GASK1A: variants seen among roughly 807,000 people sequenced by gnomAD.
The protein encoded by GASK1A is golgi associated kinase 1A.
In GASK1A, 40 loss-of-function variants were observed where a neutral mutation model predicts 41.2. That is an observed-to-expected ratio of 0.97 (90% CI 0.75 to 1.27). The LOEUF (loss-of-function observed/expected upper bound fraction) is 1.27. Among genes scored for constraint, GASK1A ranks in the 50% most tolerant of loss-of-function variants. The probability of loss-of-function intolerance (pLI) is 0.00; values close to 1 mark genes in which losing one functional copy is unlikely to be tolerated. For missense variants in GASK1A, 678 were observed against 745.1 expected, an observed-to-expected ratio of 0.91 and a Z score of 1.05; for synonymous variants, 316 against 307.1, an observed-to-expected ratio of 1.03 and a Z score of -0.30.
chr3:43,015,879 A>G (rs1323542985), intron 1 of GASK1A, among the ~76,000 whole-genome samples: 1 of 151,566 alleles, frequency 6.6e-6, no homozygotes, highest in Admixed American at 6.6e-5. Flanking sequence ...AGTCACAGGA[A>G]GAGGCAGTGT....
chr3:43,033,684 C>G, intron 2 of GASK1A, 131 bp downstream of exon 2: 1 of 811,866 alleles, frequency 1.2e-6, no homozygotes, highest in Non-Finnish European at 1.8e-6. Context: ...CACCAAGCAC[C>G]TGCTTTTGTA....
At chr3:43,038,825 C>T (rs373397988) in intron 2 of GASK1A, among the ~76,000 whole-genome samples, 2 of 152,266 alleles carry the variant, frequency 1.3e-5, no homozygotes, top group South Asian at 4.1e-4. Flanking sequence ...AATTCCCCAA[C>T]CCCTGCCCAC....
In GASK1A at chr3:42,997,445, G is replaced by GC. The variant is rs1559397773; in HGVS notation, c.3+17800_3+17801insC. Reference sequence around the variant, plus strand: ...GAGAGAGAGACAGAGAGAGGGGGGGGGGATCTGGGATCCTTAGAAATGGGG... The same window carrying GC: ...GAGAGAGAGACAGAGAGAGGGGGGGGCGGATCTGGGATCCTTAGAAATGGGG... On this transcript the variant is annotated intron_variant, in intron 1 of 4. Coordinates refer to ENST00000430121, the MANE Select transcript of GASK1A (RefSeq NM_001129908.3). 1.5e-4 allele frequency among the ~76,000 whole-genome samples: 23 copies of GC among 151,538 alleles called. No individual in the cohort carries two copies. In the South Asian group the frequency reaches 3.8e-3, roughly 25 times the overall value.
chr3:42,999,306 G>A (rs148126779), intron 1 of GASK1A, among the ~76,000 whole-genome samples: 178 of 152,284 alleles, frequency 1.2e-3, no homozygotes, highest in Non-Finnish European at 2.1e-3. Flanking sequence ...CCACATTCTG[G>A]ACGGAGCTGG....
At chr3:43,034,011 G>T (rs540767540) in intron 2 of GASK1A, among the ~76,000 whole-genome samples, 13 of 152,144 alleles carry the variant, frequency 8.5e-5, no homozygotes, top group Non-Finnish European at 4.4e-5. Flanking sequence ...CTTGAAATCC[G>T]TCAGGGTGTG....
intron 2 of GASK1A, 104 bp from the exon 3 acceptor site, chr3:43,053,417 G>A: frequency 7.6e-7 from 1 of 1,310,312 alleles, no homozygotes; most frequent in Non-Finnish European, 1.0e-6. Context: ...CCCTGCTGTG[G>A]CCCCAGGGTC....
At chr3:43,009,812 G>A (rs1027522622) in intron 1 of GASK1A, among the ~76,000 whole-genome samples, 2 of 152,212 alleles carry the variant, frequency 1.3e-5, no homozygotes, top group Non-Finnish European at 2.9e-5. Context: ...CACAAGTTTG[G>A]AAAGATAAGT....
intron 1 of GASK1A, among the ~76,000 whole-genome samples, chr3:43,003,174 T>G (rs1447555009): frequency 6.6e-6 from 1 of 152,138 alleles, no homozygotes; most frequent in Admixed American, 6.5e-5. Flanking sequence ...AATATGCATT[T>G]TTAAAGGAGA....
chr3:43,030,467 G>A (rs924378201), intron 1 of GASK1A, among the ~76,000 whole-genome samples: 5 of 152,238 alleles, frequency 3.3e-5, no homozygotes, highest in African/African-American at 7.2e-5. Flanking sequence ...CCCAGGCGGT[G>A]GCTACTGCTG....
chr3:43,044,248 G>C (rs557783026), intron 2 of GASK1A, among the ~76,000 whole-genome samples: 1 of 152,212 alleles, frequency 6.6e-6, no homozygotes, highest in Non-Finnish European at 1.5e-5. Flanking sequence ...TGGCCCAAGA[G>C]AATTCAGCTG....
At chr3:42,980,413 C>T (rs1283769703) in intron 1 of GASK1A, among the ~76,000 whole-genome samples, 1 of 152,210 alleles carries the variant, frequency 6.6e-6, no homozygotes, top group Non-Finnish European at 1.5e-5. Flanking sequence ...CTGCTTCTCC[C>T]GCAGCAGAAA....
At chr3:43,052,434 A>G (rs1043533603) in intron 2 of GASK1A, among the ~76,000 whole-genome samples, 1 of 152,026 alleles carries the variant, frequency 6.6e-6, no homozygotes, top group Non-Finnish European at 1.5e-5. Context: ...GTCCCATGCA[A>G]TGCAAGTCCT....
rs772636446 is a variant in GASK1A, at chr3:43,032,252, T to A, written c.4-15T>A. 1.4e-5 allele frequency: 21 copies of A among 1,497,508 alleles called. No homozygotes were observed. The highest frequency in any genetic ancestry group is 4.5e-6 in the Non-Finnish European group (5 of 1,115,092). 92.8% of individuals were successfully genotyped at this position (1,497,508 alleles called of 1,614,324 possible). On this transcript the variant is annotated splice_polypyrimidine_tract_variant and intron_variant, in intron 1 of 4. Coordinates refer to ENST00000430121, the MANE Select transcript of GASK1A (RefSeq NM_001129908.3). ...TTCCCAGATCTCAAGCTTTTCTTTC[T>A]ACCCTGTCTCTCAGGCGTCTTGGCT...
In GASK1A at chr3:43,025,246, A is replaced by G. The variant is rs557939529; in HGVS notation, c.4-7021A>G. ...CCTGGGCTCAGTCACAGAGGGTCTAATGAGAAACGGATTGGTTCAAGAGCT... is the reference window on the plus strand; with the variant it reads ...CCTGGGCTCAGTCACAGAGGGTCTAGTGAGAAACGGATTGGTTCAAGAGCT... On this transcript the variant is annotated intron_variant, in intron 1 of 4. Transcript: ENST00000430121. Among the ~76,000 whole-genome samples, 7 of 152,292 alleles carry G rather than the reference A, an allele frequency of 4.6e-5. No homozygotes were observed. The South Asian group carries it at 6.2e-4, about 14-fold the overall frequency.
intron 2 of GASK1A, among the ~76,000 whole-genome samples, chr3:43,050,365 C>T (rs2089683437): frequency 6.6e-6 from 1 of 151,900 alleles, no homozygotes. Context: ...TGCCTTTTGG[C>T]CTCCATGGTT....
chr3:43,056,004 G>T, intron 4 of GASK1A, 172 bp from the exon 5 acceptor site: 1 of 603,204 alleles, frequency 1.7e-6, no homozygotes, highest in Non-Finnish European at 2.9e-6. Flanking sequence ...CCAGGCAAAG[G>T]GTCCTCTGTT....
intron 2 of GASK1A, among the ~76,000 whole-genome samples, chr3:43,040,067 C>A (rs1013841974): frequency 6.6e-6 from 1 of 151,984 alleles, no homozygotes; most frequent in Non-Finnish European, 1.5e-5. Flanking sequence ...TTTTTACGTT[C>A]GTGTGTTATA....
At chr3:42,981,933 C>T (rs189104896) in intron 1 of GASK1A, among the ~76,000 whole-genome samples, 18 of 152,138 alleles carry the variant, frequency 1.2e-4, no homozygotes, top group Admixed American at 2.6e-4. Flanking sequence ...TGTTTGAATA[C>T]GGTATCCTTT....
At chr3:43,006,163 C>T (rs1253406242) in intron 1 of GASK1A, among the ~76,000 whole-genome samples, 2 of 152,104 alleles carry the variant, frequency 1.3e-5, no homozygotes, top group East Asian at 3.9e-4. Context: ...CTTTGGAAAC[C>T]CCCTGCCCAG....
Sources: allele counts gnomAD v4.1 joint callset (sites outside exome capture counted in the v4.1 genomes callset), GRCh38; gene constraint gnomAD v4.1.1; transcripts MANE v1.5; gene names NCBI Gene and HGNC (gene_info 2026-07-23, HGNC 2026-07-21).